The following ANO3 variants were observed in gnomAD, a reference collection of about 807,000 sequenced individuals.
ANO3 encodes anoctamin-3.
A neutral mutation model predicts 144.8 loss-of-function variants in ANO3; 99 were observed. The ratio of observed to expected loss-of-function variants is 0.68; its 90% CI spans 0.58 to 0.81. The LOEUF is 0.81. ANO3 is among the 30% of genes least tolerant of loss of function. The pLI, the probability that ANO3 is intolerant of heterozygous loss-of-function variation, is 0.00. For missense variants in ANO3, 905 were observed against 1,202.2 expected (o/e 0.75, Z 3.66); for synonymous variants, 414 against 392.6 (o/e 1.05, Z -0.64).
chr11:26,323,383 C>T (rs1234088254), intron 1 of ANO3, among the ~76,000 whole-genome samples: 3 of 152,086 alleles, frequency 2.0e-5, no homozygotes, highest in African/African-American at 7.2e-5. Flanking sequence ...TCTGATTTCC[C>T]TATTTCTGAC....
At chr11:26,634,344 G>T (rs373984349) in intron 19 of ANO3, 29 bp downstream of exon 19, 11 of 1,408,690 alleles carry the variant, frequency 7.8e-6, no homozygotes, top group Non-Finnish European at 1.0e-5. Context: ...CATTATCTTC[G>T]CAGAGTGAAA....
intron 1 of ANO3, among the ~76,000 whole-genome samples, chr11:26,380,549 G>A (rs891861665): frequency 5.9e-5 from 9 of 152,162 alleles, no homozygotes; most frequent in African/African-American, 1.9e-4. Context: ...CATGGTGGAA[G>A]GGATAAATAG....
intron 4 of ANO3, among the ~76,000 whole-genome samples, chr11:26,496,422 G>A (rs1009546274): frequency 2.6e-5 from 4 of 152,148 alleles, no homozygotes; most frequent in Admixed American, 2.6e-4. Context: ...AGATGTCCTT[G>A]GAGGTAATAG....
chr11:26,460,993 C>T (rs1859373318), intron 3 of ANO3, among the ~76,000 whole-genome samples: 3 of 152,192 alleles, frequency 2.0e-5, no homozygotes, highest in South Asian at 2.1e-4. Flanking sequence ...TGCTCCCCAA[C>T]AGCACATGCC....
intron 21 of ANO3, among the ~76,000 whole-genome samples, chr11:26,640,929 G>C (rs1853128596): frequency 6.6e-6 from 1 of 152,086 alleles, no homozygotes; most frequent in African/African-American, 2.4e-5. Context: ...ACCTTCATGA[G>C]GCTCTGGAGG....
chr11:26,208,237 C>G (rs147039318), intron 1 of ANO3: 1 of 152,452 alleles, frequency 6.6e-6, no homozygotes, highest in Non-Finnish European at 1.5e-5. Context: ...GTGGGCCGGG[C>G]ACTGTGGCTC....
chr11:26,455,862 G>T (rs983416639), intron 3 of ANO3, among the ~76,000 whole-genome samples: 4 of 151,540 alleles, frequency 2.6e-5, no homozygotes, highest in African/African-American at 9.7e-5. Context: ...CATGGTACTG[G>T]CACCAAAACA....
chr11:26,461,798 A>C (rs1180351163), intron 3 of ANO3, among the ~76,000 whole-genome samples: 1 of 152,034 alleles, frequency 6.6e-6, no homozygotes, highest in Non-Finnish European at 1.5e-5. Context: ...CTTATTATTA[A>C]ATGTAGGAAG....
At chr11:26,536,543 A>G (rs1849513546) in intron 9 of ANO3, among the ~76,000 whole-genome samples, 1 of 151,992 alleles carries the variant, frequency 6.6e-6, no homozygotes, top group Non-Finnish European at 1.5e-5. Context: ...ATATGTATAT[A>G]AATTTATGTG....
intron 24 of ANO3, among the ~76,000 whole-genome samples, chr11:26,652,216 A>G (rs886870713): frequency 1.3e-5 from 2 of 152,206 alleles, no homozygotes; most frequent in Non-Finnish European, 1.5e-5. Context: ...CTTTGTGTGG[A>G]CCTGACAAAC....
chr11:26,231,454 A>G (rs1017446148), intron 1 of ANO3, among the ~76,000 whole-genome samples: 2 of 152,128 alleles, frequency 1.3e-5, no homozygotes, highest in African/African-American at 4.8e-5. Context: ...ACAGCCTGGG[A>G]TCTCTGGAAA....
intron 1 of ANO3, among the ~76,000 whole-genome samples, chr11:26,366,603 A>T (rs553410817): frequency 1.3e-5 from 2 of 152,224 alleles, no homozygotes; most frequent in South Asian, 4.2e-4. Flanking sequence ...AACAGTGTAA[A>T]AGTGTTCCTA....
intron 13 of ANO3, among the ~76,000 whole-genome samples, chr11:26,554,369 A>T (rs1007758861): frequency 2.0e-5 from 3 of 152,050 alleles, no homozygotes; most frequent in East Asian, 1.9e-4. Context: ...TGCCTATTTT[A>T]AAAAAGTCTT....
intron 18 of ANO3, among the ~76,000 whole-genome samples, chr11:26,628,777 G>A (rs1189567518): frequency 6.6e-6 from 1 of 152,098 alleles, no homozygotes; most frequent in African/African-American, 2.4e-5. Flanking sequence ...TGGTCCATAT[G>A]GTATCTGCTG....
intron 12 of ANO3, among the ~76,000 whole-genome samples, chr11:26,551,467 A>G (rs1490685800): frequency 6.6e-6 from 1 of 151,952 alleles, no homozygotes; most frequent in Non-Finnish European, 1.5e-5. Context: ...TTTTGTGATG[A>G]TTTTTGTGTA....
intron 1 of ANO3, among the ~76,000 whole-genome samples, chr11:26,359,157 T>C (rs1295669560): frequency 6.6e-6 from 1 of 152,244 alleles, no homozygotes; most frequent in Non-Finnish European, 1.5e-5. Context: ...TGTAGAATGC[T>C]GGAAATTTTT....
At chr11:26,542,134 A>G in intron 11 of ANO3, 66 bp downstream of exon 11, 1 of 1,539,664 alleles carries the variant, frequency 6.5e-7, no homozygotes, top group African/African-American at 1.4e-5. Context: ...TTAGACTTGG[A>G]ATTATTTATT....
At chr11:26,242,063 T>C (rs1025502374) in intron 1 of ANO3, among the ~76,000 whole-genome samples, 1 of 152,188 alleles carries the variant, frequency 6.6e-6, no homozygotes, top group African/African-American at 2.4e-5. Flanking sequence ...AAAGAAAGGA[T>C]GTTTTGTGCA....
At chr11:26,320,539 C>G (rs932985634) in intron 1 of ANO3, among the ~76,000 whole-genome samples, 1 of 152,072 alleles carries the variant, frequency 6.6e-6, no homozygotes, top group African/African-American at 2.4e-5. Context: ...TTACTATACT[C>G]TATTTAAAAA....
Sources: allele counts gnomAD v4.1 joint callset (sites outside exome capture counted in the v4.1 genomes callset), GRCh38; gene constraint gnomAD v4.1.1; transcripts MANE v1.5; gene names NCBI Gene and HGNC (gene_info 2026-07-23, HGNC 2026-07-21).